Variants in ROPN1B observed in about 807,000 individuals in gnomAD.
ROPN1B encodes ropporin-1B.
Under a neutral mutation model 23.7 loss-of-function variants are expected in ROPN1B, and 13 were observed. The ratio of observed to expected loss-of-function variants is 0.55; its 90% CI spans 0.36 to 0.87. The LOEUF is 0.87. Ranked by LOEUF, ROPN1B falls within the 40% of genes least tolerant of loss-of-function variation. The pLI, the probability that ROPN1B is intolerant of heterozygous loss-of-function variation, is 0.01. For missense variants in ROPN1B, 183 were observed against 249.2 expected (o/e 0.73, Z 1.79); for synonymous variants, 67 against 100.4 (o/e 0.67, Z 1.99).
chr3:125,972,252 C>T, intron 3 of ROPN1B, 82 bp downstream of exon 3: 2 of 1,375,036 alleles, frequency 1.5e-6, no homozygotes, highest in Non-Finnish European at 2.1e-6. Flanking sequence ...GTTGTCATGG[C>T]TGCAGCCAGG....
At chr3:125,972,420 C>A in intron 3 of ROPN1B, 1 of 547,126 alleles carries the variant, frequency 1.8e-6, no homozygotes, top group South Asian at 2.8e-5. Flanking sequence ...TAGGCCGTGT[C>A]CTGGGGCAAG....
In ROPN1B at chr3:125,972,120, C is replaced by T; in HGVS notation, c.66C>T (p.Ala22=). Residue 22 remains alanine, a synonymous_variant, in exon 3 of 7, where the codon GCC becomes GCT. Coordinates refer to ENST00000514116, the MANE Select transcript of ROPN1B (RefSeq NM_001308313.2). Reference sequence around the variant, plus strand: ...TGCCGAAAATGCTGAAGGAGTTTGCCAAAGCCGCCATTCGGGCGCAGCCGC... The same window carrying T: ...TGCCGAAAATGCTGAAGGAGTTTGCTAAAGCCGCCATTCGGGCGCAGCCGC... The part of the protein sequence containing the change: ...PELPKMLKEF[A]KAAIRAQPQD... 6.2e-7 allele frequency: 1 copy of T among 1,614,192 alleles called. No homozygotes were observed. Among genetic ancestry groups the T allele is most frequent in the East Asian group, 2.2e-5 (1 of 44,878 alleles).
intron 5 of ROPN1B, among the ~76,000 whole-genome samples, chr3:125,981,274 A>G (rs1938603434): frequency 6.6e-6 from 1 of 152,236 alleles, no homozygotes; most frequent in Non-Finnish European, 1.5e-5. Flanking sequence ...GAGAAGCCTC[A>G]TCTAGGCAAT....
chr3:125,978,421 T>G (rs1431909053), intron 5 of ROPN1B, among the ~76,000 whole-genome samples: 2 of 152,150 alleles, frequency 1.3e-5, no homozygotes, highest in Non-Finnish European at 2.9e-5. Flanking sequence ...AGAAAATAAA[T>G]AAATTCAATC....
At chr3:125,972,268 G>A in intron 3 of ROPN1B, 98 bp downstream of exon 3, 1 of 1,052,062 alleles carries the variant, frequency 9.5e-7, no homozygotes, top group South Asian at 1.4e-5. Flanking sequence ...CCAGGGGGTC[G>A]GGACTAACTG....
chr3:125,972,993 C>T (rs1938271070), intron 3 of ROPN1B: 1 of 386,870 alleles, frequency 2.6e-6, no homozygotes, highest in Non-Finnish European at 5.1e-6. Flanking sequence ...TATGAAATTG[C>T]TCCTTGGACA....
intron 6 of ROPN1B, among the ~76,000 whole-genome samples, chr3:125,982,664 G>A (rs1186741149): frequency 2.0e-5 from 3 of 152,210 alleles, no homozygotes; most frequent in South Asian, 2.1e-4. Context: ...TAGCAGTAGC[G>A]GCAGCGGCAC....
chr3:125,980,038 A>G (rs1177634644), intron 5 of ROPN1B, among the ~76,000 whole-genome samples: 1 of 152,218 alleles, frequency 6.6e-6, no homozygotes, highest in Non-Finnish European at 1.5e-5. Context: ...GGAAAGAATG[A>G]CTTTTTTTTA....
At chr3:125,977,373 T>C (rs1228841219) in intron 5 of ROPN1B, 8 of 592,088 alleles carry the variant, frequency 1.4e-5, no homozygotes, top group African/African-American at 1.9e-5. Flanking sequence ...GGAAACACTG[T>C]GGTCAGGCTC....
intron 3 of ROPN1B, 132 bp from the exon 4 acceptor site, chr3:125,975,431 A>G (rs566107355): frequency 1.3e-6 from 1 of 793,336 alleles, no homozygotes; most frequent in East Asian, 2.5e-5. Context: ...AAACACAATG[A>G]CACATAGAAG....
chr3:125,982,055 A>G (rs1938626481), intron 5 of ROPN1B, among the ~76,000 whole-genome samples: 1 of 152,246 alleles, frequency 6.6e-6, no homozygotes, highest in Non-Finnish European at 1.5e-5. Flanking sequence ...TAGTCTTCTA[A>G]CAAAGAAAGA....
At chr3:125,982,155 G>A in intron 5 of ROPN1B, 115 bp from the exon 6 acceptor site, 4 of 825,180 alleles carry the variant, frequency 4.8e-6, no homozygotes, top group Non-Finnish European at 7.4e-6. Context: ...ATCTTAAATT[G>A]TTCCCACTTC....
chr3:125,975,686 G>A lies in ROPN1B; in HGVS notation c.234+6G>A, dbSNP rs533481479. 1 of 1,608,914 alleles carries A rather than the reference G, an allele frequency of 6.2e-7. No individual in the cohort carries two copies. Among genetic ancestry groups the A allele is most frequent in the African/African-American group, 1.3e-5 (1 of 74,880 alleles). On this transcript the variant is annotated splice_donor_region_variant and intron_variant, in intron 4 of 6. Transcript: ENST00000514116. The stretch of plus-strand genomic sequence containing the variant: ...TAAAGATCCTGCATTCTCAGGTAAG[G>A]GCCCTGCTGCAGCATTGAGGAGAAT...
chr3:125,983,321 C>T lies in ROPN1B; in HGVS notation c.*1C>T, dbSNP rs746970040. 3.4e-5 allele frequency: 54 copies of T among 1,611,606 alleles called. No homozygotes were observed. The East Asian group carries it at 9.4e-4, about 28-fold the overall frequency. Reference sequence around the variant, plus strand: ...AAACCCCAGGGTTTGGCTGGAGTAACAGCACAATTTTGGCAATTTTAAAGG... The same window carrying T: ...AAACCCCAGGGTTTGGCTGGAGTAATAGCACAATTTTGGCAATTTTAAAGG... On this transcript the variant is annotated 3_prime_UTR_variant, in exon 7 of 7. Coordinates refer to ENST00000514116, the MANE Select transcript of ROPN1B (RefSeq NM_001308313.2).
Position 125,972,125 on chromosome 3 carries a change from C to G in ROPN1B, c.71C>G (p.Ala24Gly). Residue 24 changes from alanine to glycine, a missense_variant, in exon 3 of 7, where the codon GCC (alanine) becomes GGC (glycine). This residue lies in a region of ROPN1B where 97 missense variants were observed against 99.6 expected (regional missense o/e 0.97). Transcript: ENST00000514116. ...LPKMLKEFAKAAIRAQPQDLI... is the reference protein window; with the variant it reads ...LPKMLKEFAKGAIRAQPQDLI... ...AAAATGCTGAAGGAGTTTGCCAAAG[C>G]CGCCATTCGGGCGCAGCCGCAGGAC... The G allele has an allele frequency of 6.2e-7, 1 of 1,614,228 alleles. No homozygotes were observed.
intron 3 of ROPN1B, 161 bp downstream of exon 3, chr3:125,972,331 A>G: frequency 1.5e-6 from 1 of 678,072 alleles, no homozygotes; most frequent in Non-Finnish European, 2.5e-6. Flanking sequence ...AAATCCACAC[A>G]TAAATACTAC....
chr3:125,970,652 T>A lies in ROPN1B; in HGVS notation c.-58-465T>A, dbSNP rs573642476. On this transcript the variant is annotated intron_variant, in intron 1 of 6. Coordinates refer to ENST00000514116, the MANE Select transcript of ROPN1B (RefSeq NM_001308313.2). ...TGATCAATAAATACTAAAAAAATTT[T>A]AAAAAATCCTTTTTTCCTCTGTACA... Among the ~76,000 whole-genome samples, 12 of 152,300 alleles carry A rather than the reference T, an allele frequency of 7.9e-5. No individual in the cohort carries two copies. The South Asian group carries it at 1.7e-3, about 21-fold the overall frequency.
intron 2 of ROPN1B, among the ~76,000 whole-genome samples, chr3:125,971,787 T>C (rs1938215098): frequency 6.6e-6 from 1 of 152,222 alleles, no homozygotes; most frequent in Non-Finnish European, 1.5e-5. Flanking sequence ...CCATTAGGGA[T>C]TTTTTTGTTG....
In ROPN1B at chr3:125,973,683, T is replaced by C. The variant is rs1301122776; in HGVS notation, c.116+1513T>C. ...TCACGTGCTATAATTTTTTTAGACA[T>C]CCATGAAAACTTAGTTTGTAGTTTA... On this transcript the variant is annotated intron_variant, in intron 3 of 6. Coordinates refer to ENST00000514116, the MANE Select transcript of ROPN1B (RefSeq NM_001308313.2). 7 of 153,414 alleles carry C rather than the reference T, an allele frequency of 4.6e-5. No homozygotes were observed. The South Asian group carries it at 1.5e-3, about 32-fold the overall frequency. The allele number at this position is 153,414 out of a possible 1,614,324, so 9.5% of individuals were successfully genotyped here. A position where few individuals can be genotyped will look rare whatever the true frequency, so the allele number is the denominator to read the frequency against.
Sources: allele counts gnomAD v4.1 joint callset (sites outside exome capture counted in the v4.1 genomes callset), GRCh38; gene constraint gnomAD v4.1.1; regional missense constraint gnomAD v4.1.1; transcripts MANE v1.5; gene names NCBI Gene and HGNC (gene_info 2026-07-23, HGNC 2026-07-21).